Variants in BFSP2 observed in about 807,000 individuals in gnomAD.
The protein encoded by BFSP2 is beaded filament structural protein 2.
Under a neutral mutation model 44.9 loss-of-function variants are expected in BFSP2, and 38 were observed. The observed-to-expected ratio is 0.85, with a 90% CI of 0.65 to 1.11. The LOEUF (loss-of-function observed/expected upper bound fraction) is 1.11, where lower values mean the gene tolerates loss of function less well. Among genes scored for constraint, BFSP2 ranks in the 50% least tolerant of loss-of-function variants. The pLI is 0.00. For missense variants in BFSP2, 525 were observed against 533.0 expected (o/e 0.99, Z 0.15); for synonymous variants, 197 against 209.9 (o/e 0.94, Z 0.53).
intron 1 of BFSP2, among the ~76,000 whole-genome samples, chr3:133,420,159 AG>A (rs2073579971): frequency 6.6e-6 from 1 of 152,238 alleles, no homozygotes; most frequent in African/African-American, 2.4e-5. Context: ...CCGCAGCAAC[AG>A]AAAAATGTAC....
chr3:133,463,812 A>G (rs1333825030), intron 4 of BFSP2, among the ~76,000 whole-genome samples: 4 of 152,108 alleles, frequency 2.6e-5, no homozygotes, highest in African/African-American at 9.7e-5. Flanking sequence ...CCATCACCTG[A>G]TGGTCACCTG....
intron 1 of BFSP2, among the ~76,000 whole-genome samples, chr3:133,402,530 A>G (rs1027724218): frequency 1.3e-5 from 2 of 152,256 alleles, no homozygotes; most frequent in Middle Eastern, 3.4e-3. Flanking sequence ...TTTCCTCTTA[A>G]GTGACTATAA....
intron 1 of BFSP2, among the ~76,000 whole-genome samples, chr3:133,443,086 C>G (rs2073860804): frequency 1.3e-5 from 2 of 152,080 alleles, no homozygotes; most frequent in African/African-American, 4.8e-5. Flanking sequence ...TCTGGAACAA[C>G]TGACCTCAGG....
intron 4 of BFSP2, among the ~76,000 whole-genome samples, chr3:133,459,517 G>A (rs1369285171): frequency 6.6e-6 from 1 of 152,176 alleles, no homozygotes; most frequent in African/African-American, 2.4e-5. Context: ...GCTGGGAATT[G>A]GTCCTACACT....
At chr3:133,434,307 C>T (rs905089250) in intron 1 of BFSP2, among the ~76,000 whole-genome samples, 8 of 152,064 alleles carry the variant, frequency 5.3e-5, no homozygotes, top group Admixed American at 1.3e-4. Flanking sequence ...TAATTCTACA[C>T]GACAAATGTT....
intron 4 of BFSP2, among the ~76,000 whole-genome samples, chr3:133,462,802 T>C (rs2074076091): frequency 1.3e-5 from 2 of 152,326 alleles, no homozygotes; most frequent in Admixed American, 6.5e-5. Flanking sequence ...TCATCAACAA[T>C]AGTATCACAA....
chr3:133,417,952 A>C (rs1458614793), intron 1 of BFSP2, among the ~76,000 whole-genome samples: 1 of 60,160 alleles, frequency 1.7e-5, no homozygotes, highest in Non-Finnish European at 3.1e-5. Flanking sequence ...TCTCCCCTCT[A>C]CTCACCTCTG....
intron 6 of BFSP2, among the ~76,000 whole-genome samples, chr3:133,473,438 CA>C (rs748691333): frequency 0.085 from 6,233 of 72,956 alleles, 201 homozygotes; most frequent in African/African-American, 0.24. Context: ...GAGGCAGCAG[CA>C]AAAAAAAAAA....
At chr3:133,417,346 C>T (rs2073546709) in intron 1 of BFSP2, among the ~76,000 whole-genome samples, 2 of 137,108 alleles carry the variant, frequency 1.5e-5, no homozygotes, top group Non-Finnish European at 3.2e-5. Context: ...CTCCACTCAC[C>T]CCGTTCTCTC....
chr3:133,474,400 T>C (rs1363283501), intron 6 of BFSP2, among the ~76,000 whole-genome samples: 1 of 152,212 alleles, frequency 6.6e-6, no homozygotes, highest in East Asian at 1.9e-4. Flanking sequence ...TCTCCAACTG[T>C]GTAACCTCTC....
intron 1 of BFSP2, among the ~76,000 whole-genome samples, chr3:133,403,257 G>C (rs907247296): frequency 4.6e-5 from 7 of 152,128 alleles, no homozygotes; most frequent in Non-Finnish European, 8.8e-5. Flanking sequence ...GGCCACTCTG[G>C]CTGGGGCTTC....
At chr3:133,429,279 T>C (rs1021382212) in intron 1 of BFSP2, 3 of 152,238 alleles carry the variant, frequency 2.0e-5, no homozygotes, top group Non-Finnish European at 2.9e-5. Flanking sequence ...AACATAACCA[T>C]AGAATGTGTA....
At chr3:133,414,487 C>T in intron 1 of BFSP2, among the ~76,000 whole-genome samples, 1 of 111,748 alleles carries the variant, frequency 8.9e-6, no homozygotes, top group Non-Finnish European at 1.9e-5. Context: ...CTACTCACCC[C>T]TGCTCTCTCC....
intron 1 of BFSP2, among the ~76,000 whole-genome samples, chr3:133,425,677 T>C (rs1015292860): frequency 6.6e-6 from 1 of 151,722 alleles, no homozygotes; most frequent in Non-Finnish European, 1.5e-5. Context: ...CTGAAGTCAG[T>C]TCCGTCTCTC....
chr3:133,415,555 C>T (rs2107887107), intron 1 of BFSP2, among the ~76,000 whole-genome samples: 1 of 97,400 alleles, frequency 1.0e-5, no homozygotes, highest in African/African-American at 4.0e-5. Flanking sequence ...CTCCCCTCTA[C>T]TCACCCCTGC....
intron 1 of BFSP2, among the ~76,000 whole-genome samples, chr3:133,411,674 G>C (rs913882290): frequency 6.6e-6 from 1 of 151,660 alleles, no homozygotes; most frequent in African/African-American, 2.4e-5. Flanking sequence ...GGCAGCACTT[G>C]AAGCCAATAG....
chr3:133,420,675 C>T (rs2073584590), intron 1 of BFSP2, among the ~76,000 whole-genome samples: 1 of 152,216 alleles, frequency 6.6e-6, no homozygotes, highest in Admixed American at 6.5e-5. Flanking sequence ...AGTGGGAGGA[C>T]CACGGAGTCA....
At chr3:133,416,237 A>C (rs1576562820) in intron 1 of BFSP2, among the ~76,000 whole-genome samples, 1 of 84,366 alleles carries the variant, frequency 1.2e-5, no homozygotes, top group Non-Finnish European at 2.3e-5. Context: ...CCCTCTACTC[A>C]ACCCTGCCCT....
At chr3:133,450,016 A>AGGAAGGAAGGAAGGAAGGAT (rs1225503133) in intron 3 of BFSP2, among the ~76,000 whole-genome samples, 1 of 93,196 alleles carries the variant, frequency 1.1e-5, no homozygotes, top group African/African-American at 4.5e-5. Flanking sequence ...GAAGGAAGGA[A>AGGAAGGAAGGAAGGAAGGAT]GGAGGGAGGG....
Sources: allele counts gnomAD v4.1 joint callset (sites outside exome capture counted in the v4.1 genomes callset), GRCh38; gene constraint gnomAD v4.1.1; transcripts MANE v1.5; gene names NCBI Gene and HGNC (gene_info 2026-07-23, HGNC 2026-07-21).